CACNA2D3: variants seen among roughly 807,000 people sequenced by gnomAD.
The protein encoded by CACNA2D3 is calcium voltage-gated channel auxiliary subunit alpha2delta 3, also known as voltage-dependent calcium channel subunit alpha-2/delta-3.
CACNA2D3 carries 60 observed loss-of-function variants against 160.6 expected under a neutral mutation model. The observed-to-expected ratio is 0.37, with a 90% CI of 0.30 to 0.46. The LOEUF (loss-of-function observed/expected upper bound fraction) is 0.46, where lower values mean the gene tolerates loss of function less well. Ranked by LOEUF, CACNA2D3 falls within the 20% of genes least tolerant of loss-of-function variation. CACNA2D3 has a pLI of 1.00. For synonymous variants in CACNA2D3, 558 were observed against 492.9 expected (o/e 1.13, Z -1.75); for missense variants, 1,205 against 1,365.0 (o/e 0.88, Z 1.85).
At chr3:54,383,385 T>C (rs1211104215) in intron 3 of CACNA2D3, among the ~76,000 whole-genome samples, 1 of 152,082 alleles carries the variant, frequency 6.6e-6, no homozygotes, top group Non-Finnish European at 1.5e-5. Flanking sequence ...AGAGGGCAGG[T>C]TGGGACAACC....
chr3:54,421,275 ATTG>A lies in CACNA2D3; in HGVS notation c.381+34504_381+34506del, dbSNP rs576133714. 9.9e-5 allele frequency among the ~76,000 whole-genome samples: 15 copies of A among 152,172 alleles called. No individual in the cohort carries two copies. In the South Asian group the frequency reaches 2.9e-3, roughly 29 times the overall value. On this transcript the variant is annotated intron_variant, in intron 4 of 37. Coordinates refer to ENST00000474759, the MANE Select transcript of CACNA2D3 (RefSeq NM_018398.3). ...CTTGGGTGAATATCTTTGTTTGTTT[ATTG>A]TTTTCTTGGATGTGCTTGCAAAAGA...
intron 24 of CACNA2D3, among the ~76,000 whole-genome samples, chr3:54,890,511 A>AG (rs1388694629): frequency 6.6e-6 from 1 of 151,414 alleles, no homozygotes; most frequent in African/African-American, 2.4e-5. Flanking sequence ...AAAAAAAAAA[A>AG]AAAGAAAAAG....
chr3:54,474,248 G>A (rs887267037), intron 4 of CACNA2D3, among the ~76,000 whole-genome samples: 8 of 152,164 alleles, frequency 5.3e-5, no homozygotes, highest in African/African-American at 1.7e-4. Context: ...GTCCTTTGCG[G>A]GGACATGGTT....
At chr3:54,362,995 G>C (rs572726762) in intron 3 of CACNA2D3, among the ~76,000 whole-genome samples, 4 of 152,320 alleles carry the variant, frequency 2.6e-5, no homozygotes, top group African/African-American at 9.6e-5. Flanking sequence ...AGGAGATTGA[G>C]ACCATCCTGG....
intron 35 of CACNA2D3, among the ~76,000 whole-genome samples, chr3:55,059,946 C>A (rs981508960): frequency 6.6e-6 from 1 of 151,948 alleles, no homozygotes; most frequent in South Asian, 2.1e-4. Flanking sequence ...TTTATCTGCT[C>A]GTCTGCTTGT....
In CACNA2D3 at chr3:54,908,219, CTG is replaced by C. The variant is rs554413909; in HGVS notation, c.2449+8353_2449+8354del. On this transcript the variant is annotated intron_variant, in intron 27 of 37. Coordinates refer to ENST00000474759, the MANE Select transcript of CACNA2D3 (RefSeq NM_018398.3). ...TTTTCTACATCCTTTCTAATACTGT[CTG>C]TCTTTTTTATTTTAGCCATCCTAGT... Among the ~76,000 whole-genome samples, 517 of 152,282 alleles carry C rather than the reference CTG, an allele frequency of 3.4e-3. 7 individuals carry two copies. The highest frequency in any genetic ancestry group is 0.012 in the African/African-American group (488 of 41,578).
chr3:54,918,939 A>G (rs1700751469), intron 27 of CACNA2D3: 2 of 1,443,108 alleles, frequency 1.4e-6, no homozygotes, highest in Non-Finnish European at 1.8e-6. Flanking sequence ...TTGATACAAC[A>G]GAGTTCCAAA....
chr3:55,026,973 C>T (rs974665205), intron 35 of CACNA2D3, among the ~76,000 whole-genome samples: 5 of 151,728 alleles, frequency 3.3e-5, no homozygotes, highest in East Asian at 1.9e-4. Context: ...TCTCTCTCAC[C>T]GCTAAGCGCG....
chr3:54,230,118 G>C (rs1169261339), intron 2 of CACNA2D3, among the ~76,000 whole-genome samples: 3 of 147,732 alleles, frequency 2.0e-5, no homozygotes, highest in East Asian at 4.4e-4. Context: ...GTGCTATTAA[G>C]TCATTTAATT....
chr3:54,456,461 G>A (rs1222595002), intron 4 of CACNA2D3, among the ~76,000 whole-genome samples: 1 of 151,856 alleles, frequency 6.6e-6, no homozygotes, highest in South Asian at 2.1e-4. Flanking sequence ...AAGAGTTTTG[G>A]TGGAGTCTTT....
chr3:55,032,713 G>A (rs1331771036), intron 35 of CACNA2D3, among the ~76,000 whole-genome samples: 1 of 152,026 alleles, frequency 6.6e-6, no homozygotes, highest in Non-Finnish European at 1.5e-5. Flanking sequence ...CAGGGGATTG[G>A]CTTGATGTGA....
chr3:54,164,822 G>A (rs2107302005), intron 2 of CACNA2D3, among the ~76,000 whole-genome samples: 1 of 152,262 alleles, frequency 6.6e-6, no homozygotes, highest in East Asian at 1.9e-4. Context: ...AGAGCCCCAG[G>A]CCCGACACTT....
At chr3:54,983,161 A>G (rs1702543298) in intron 29 of CACNA2D3, among the ~76,000 whole-genome samples, 1 of 152,222 alleles carries the variant, frequency 6.6e-6, no homozygotes, top group East Asian at 1.9e-4. Flanking sequence ...TCATTGTAGT[A>G]CTAGTATAAT....
intron 17 of CACNA2D3, among the ~76,000 whole-genome samples, chr3:54,862,408 C>T (rs1453201289): frequency 2.6e-5 from 4 of 152,176 alleles, no homozygotes; most frequent in East Asian, 3.9e-4. Flanking sequence ...CACACACGCA[C>T]ACACACGCAC....
chr3:54,499,731 T>C (rs1263112201), intron 4 of CACNA2D3, among the ~76,000 whole-genome samples: 4 of 152,286 alleles, frequency 2.6e-5, no homozygotes, highest in South Asian at 2.1e-4. Flanking sequence ...TTTAATTTCA[T>C]TGTGGTCTGA....
At position 54,567,849 on chromosome 3, in the gene CACNA2D3, T is replaced by C. The variant is rs75867104; in HGVS notation, c.677-1946T>C. ...CTGGCTGGAGATGGTTTGAATGTCATTGGCAGTGCCAGTGATGTTGTATGG... is the reference window on the plus strand; with the variant it reads ...CTGGCTGGAGATGGTTTGAATGTCACTGGCAGTGCCAGTGATGTTGTATGG... On this transcript the variant is annotated intron_variant, in intron 6 of 37. Coordinates refer to ENST00000474759, the MANE Select transcript of CACNA2D3 (RefSeq NM_018398.3). 2.2e-3 allele frequency among the ~76,000 whole-genome samples: 331 copies of C among 152,314 alleles called. 2 individuals are homozygous for C. The highest frequency in any genetic ancestry group is 7.3e-3 in the African/African-American group (304 of 41,572).
At chr3:54,500,792 C>A (rs1431987138) in intron 4 of CACNA2D3, among the ~76,000 whole-genome samples, 1 of 152,116 alleles carries the variant, frequency 6.6e-6, no homozygotes, top group South Asian at 2.1e-4. Flanking sequence ...CTTCAAATAA[C>A]CTTACACTAC....
intron 2 of CACNA2D3, among the ~76,000 whole-genome samples, chr3:54,205,340 G>A (rs980328584): frequency 9.2e-5 from 14 of 152,140 alleles, no homozygotes; most frequent in African/African-American, 3.4e-4. Flanking sequence ...TGATCCACCC[G>A]CCTTGGCCTC....
intron 4 of CACNA2D3, among the ~76,000 whole-genome samples, chr3:54,422,227 C>T (rs1699846524): frequency 6.6e-6 from 1 of 152,324 alleles, no homozygotes; most frequent in Middle Eastern, 3.4e-3. Context: ...TGGTTTCCAG[C>T]GGCTAATGTG....
Sources: allele counts gnomAD v4.1 joint callset (sites outside exome capture counted in the v4.1 genomes callset), GRCh38; gene constraint gnomAD v4.1.1; transcripts MANE v1.5; gene names NCBI Gene and HGNC (gene_info 2026-07-23, HGNC 2026-07-21).